Variants in DET1 observed in about 807,000 individuals in gnomAD.
The protein encoded by DET1 is DET1 partner of COP1 E3 ubiquitin ligase, also known as DET1 homolog.
A neutral mutation model predicts 43.7 loss-of-function variants in DET1; 22 were observed. The observed-to-expected ratio is 0.50, with a 90% CI of 0.36 to 0.72. The LOEUF is 0.72. Among genes scored for constraint, DET1 ranks in the 30% least tolerant of loss-of-function variants. The probability of loss-of-function intolerance (pLI) is 0.00; values close to 1 mark genes in which losing one functional copy is unlikely to be tolerated. For synonymous variants in DET1, 315 were observed against 266.2 expected (o/e 1.18, Z -1.79); for missense variants, 713 against 713.3 (o/e 1.00, Z 0.00).
chr15:88,502,976 A>T (rs1350135187), intron 8 of DET1: 1 of 152,310 alleles, frequency 6.6e-6, no homozygotes, highest in African/African-American at 2.4e-5. Context: ...CACTAGTGTT[A>T]AGAAGGAGAA....
chr15:88,515,564 A>T (rs1325390000), intron 4 of DET1, among the ~76,000 whole-genome samples: 1 of 149,810 alleles, frequency 6.7e-6, no homozygotes, highest in African/African-American at 2.5e-5. Flanking sequence ...AAAAAAAAAA[A>T]AAAAGACCGA....
At chr15:88,511,924 A>G (rs1193500737), downstream of DET1, among the ~76,000 whole-genome samples, 1 of 152,210 alleles carries the variant, frequency 6.6e-6, no homozygotes, top group East Asian at 1.9e-4. Context: ...GCTACCTTCA[A>G]AGTCAGATGT....
chr15:88,520,933 C>T (rs973372042), intron 3 of DET1, among the ~76,000 whole-genome samples: 3 of 152,200 alleles, frequency 2.0e-5, no homozygotes, highest in Non-Finnish European at 2.9e-5. Context: ...TGCTGCCACC[C>T]TACCTGCCTA....
chr15:88,539,697 C>T (rs779201937), intron 1 of DET1, among the ~76,000 whole-genome samples: 7 of 151,912 alleles, frequency 4.6e-5, no homozygotes, highest in Admixed American at 2.6e-4. Context: ...GGCTGGCCAC[C>T]ACAGTCCTGT....
intron 1 of DET1, among the ~76,000 whole-genome samples, chr15:88,541,099 T>C (rs1294393159): frequency 1.1e-5 from 1 of 93,554 alleles, no homozygotes; most frequent in Non-Finnish European, 2.0e-5. Flanking sequence ...CCCGATTGTA[T>C]GCTCCATCTA....
chr15:88,513,930 G>A (rs1215959009), intron 4 of DET1, among the ~76,000 whole-genome samples: 1 of 148,358 alleles, frequency 6.7e-6, no homozygotes, highest in East Asian at 2.0e-4. Flanking sequence ...CTCCCGAGTA[G>A]CTGGGACTAC....
rs946027776 is a variant in DET1 at position 88,522,632 on chromosome 15, C to T, written c.1271+4967G>A. On this transcript the variant is annotated intron_variant, in intron 3 of 4. Transcript: ENST00000268148. The stretch of plus-strand genomic sequence containing the variant: ...CACGCCATTCTCCTGTCTCAGCCTC[C>T]CGAGTAGCTGGGACTACAGGCGCCC... Among the ~76,000 whole-genome samples, 4 of 151,084 alleles carry T rather than the reference C, an allele frequency of 2.6e-5. No homozygotes were observed. The South Asian group carries it at 8.4e-4, about 32-fold the overall frequency.
chr15:88,540,042 G>A (rs1179175758), intron 1 of DET1, among the ~76,000 whole-genome samples: 1 of 152,072 alleles, frequency 6.6e-6, no homozygotes, highest in Non-Finnish European at 1.5e-5. Flanking sequence ...GACCTGAGTG[G>A]TCCCTTTCCC....
intron 3 of DET1, among the ~76,000 whole-genome samples, chr15:88,517,819 C>G (rs2056386887): frequency 6.6e-6 from 1 of 152,188 alleles, no homozygotes; most frequent in Non-Finnish European, 1.5e-5. Context: ...ACCTATATTC[C>G]TGCAGAGACA....
chr15:88,511,312 A>G (rs529718032), downstream of DET1: 55 of 757,692 alleles, frequency 7.3e-5, no homozygotes, highest in South Asian at 3.1e-3. Flanking sequence ...CTTCTACTAC[A>G]TAAAACCCTA....
Position 88,546,188 on chromosome 15 carries a change from G to A in DET1, c.-11+352C>T, listed in dbSNP as rs141365039. On this transcript the variant is annotated intron_variant, in intron 1 of 4. Transcript: ENST00000268148. ...CCGGCTAATAAAGGACTCTTAATTC[G>A]TCTCAAAGTGTGGCGTTTTCTCTAA... 9.1e-3 allele frequency: 1,404 copies of A among 153,560 alleles called. 46 individuals carry two copies. Among genetic ancestry groups the A allele is most frequent in the Middle Eastern group, 0.02 (6 of 298 alleles). 9.5% of individuals were successfully genotyped at this position (153,560 alleles called of 1,614,324 possible).
In DET1 at chr15:88,530,721, G is replaced by C. The variant is rs2056787520; in HGVS notation, c.985C>G (p.Leu329Val). 2.5e-6 allele frequency: 4 copies of C among 1,613,966 alleles called. No individual in the cohort carries two copies. The highest frequency in any genetic ancestry group is 2.5e-6 in the Non-Finnish European group (3 of 1,179,860). Residue 329 changes from leucine (L) to valine (V), a missense_variant, in exon 2 of 5, where the codon CTG becomes GTG. Coordinates refer to ENST00000268148, the MANE Select transcript of DET1 (RefSeq NM_001144074.3). Reference sequence around the variant, plus strand: ...AGAAGCTGCATTTTCCACATTCGCAGCTGCCGCAGTTGGTCAAAATACTGG... The same window carrying C: ...AGAAGCTGCATTTTCCACATTCGCACCTGCCGCAGTTGGTCAAAATACTGG... ...FFQYFDQLRQLRMWKMQLLDE... is the reference protein window; with the variant it reads ...FFQYFDQLRQVRMWKMQLLDE...
chr15:88,524,923 A>G (rs1360147313), intron 3 of DET1, among the ~76,000 whole-genome samples: 1 of 152,160 alleles, frequency 6.6e-6, no homozygotes, highest in African/African-American at 2.4e-5. Flanking sequence ...CCCCTCTCCA[A>G]GAAACACCCA....
At chr15:88,534,467 G>C (rs567251487) in intron 1 of DET1, among the ~76,000 whole-genome samples, 1 of 152,272 alleles carries the variant, frequency 6.6e-6, no homozygotes, top group African/African-American at 2.4e-5. Context: ...TGTGTTGCAA[G>C]GAAGGATAAT....
At chr15:88,506,216 G>A (rs948167104) in intron 7 of DET1, among the ~76,000 whole-genome samples, 18 of 152,146 alleles carry the variant, frequency 1.2e-4, no homozygotes, top group South Asian at 2.1e-4. Flanking sequence ...AATTACCCCC[G>A]TTTTACAGAG....
downstream of DET1, among the ~76,000 whole-genome samples, chr15:88,509,973 T>G (rs2056180204): frequency 6.6e-6 from 1 of 152,230 alleles, no homozygotes; most frequent in South Asian, 2.1e-4. Context: ...CACTCACTGA[T>G]GCTGAACATC....
intron 1 of DET1, 136 bp downstream of exon 1, chr15:88,546,403 CG>C (rs1567079213): frequency 1.3e-5 from 2 of 152,064 alleles, no homozygotes; most frequent in African/African-American, 4.8e-5. Flanking sequence ...AAGCCTGGGG[CG>C]GGGCCTCAAA....
At position 88,531,137 on chromosome 15, in the gene DET1, T is replaced by A; in HGVS notation, c.569A>T (p.Asp190Val). The change falls in exon 2 of 5, where the codon GAC (aspartate) becomes GTC (valine). Residue 190 changes from aspartate to valine, a missense_variant. By Grantham distance (152) the Asp-to-Val change is radical (BLOSUM62 -3). Coordinates refer to ENST00000268148, the MANE Select transcript of DET1 (RefSeq NM_001144074.3). This position sits in a 1 kb window ranked among gnomAD's most constrained non-coding sequence, Gnocchi z 6.2. ...AAGGTCAATGATATGGAGGGAATAG[T>A]CTTCTAGAGGGGACCGTGGGTTGGG... ...VTPNPRSPLE[D>V]YSLHIIDLHT... The A allele has an allele frequency of 1.2e-6, 2 of 1,613,896 alleles. No homozygotes were observed. Among genetic ancestry groups the A allele is most frequent in the Non-Finnish European group, 1.7e-6 (2 of 1,179,870 alleles).
At chr15:88,529,857 GT>G (rs1371951875) in intron 2 of DET1, among the ~76,000 whole-genome samples, 1 of 152,184 alleles carries the variant, frequency 6.6e-6, no homozygotes, top group African/African-American at 2.4e-5. Flanking sequence ...TTTCAACATA[GT>G]TTTTCAATCC....
Sources: gnomAD v4.1 joint callset for allele counts (sites outside exome capture counted in the v4.1 genomes callset) on GRCh38, gnomAD v4.1.1 for gene constraint, Gnocchi (gnomAD v3.1) non-coding constraint, MANE v1.5 for transcripts, NCBI Gene and HGNC (gene_info 2026-07-23, HGNC 2026-07-21) for gene names.